RNF17: variants seen among roughly 807,000 people sequenced by gnomAD.
RNF17 encodes the protein ring finger protein 17, also known as spermatogenesis associated 23.
In RNF17, 31 loss-of-function variants were observed where a neutral mutation model predicts 200.5. That is an observed-to-expected ratio of 0.15 (90% CI 0.12 to 0.21). RNF17 has a LOEUF of 0.21. RNF17 is among the 10% of genes least tolerant of loss of function. The probability of loss-of-function intolerance (pLI) is 1.00; values close to 1 mark genes in which losing one functional copy is unlikely to be tolerated. For missense variants in RNF17, 1,628 were observed against 1,905.1 expected (o/e 0.85, Z 2.71); for synonymous variants, 606 against 637.8 (o/e 0.95, Z 0.75).
At chr13:24,845,105 CATT>C (rs780465129) in intron 22 of RNF17, 26 bp downstream of exon 22, 9 of 1,100,642 alleles carry the variant, frequency 8.2e-6, no homozygotes, top group Non-Finnish European at 9.5e-6. Context: ...GTAATTTTCT[CATT>C]ATTTTAAATA....
At chr13:24,812,154 CT>C (rs1886730537) in intron 15 of RNF17, among the ~76,000 whole-genome samples, 1 of 145,638 alleles carries the variant, frequency 6.9e-6, no homozygotes, top group African/African-American at 2.4e-5. Context: ...TCTCCTTGAG[CT>C]GTGGTGGGCT....
chr13:24,826,337 A>T (rs1054023098), intron 16 of RNF17, among the ~76,000 whole-genome samples: 2 of 152,320 alleles, frequency 1.3e-5, no homozygotes, highest in Admixed American at 1.3e-4. Flanking sequence ...AATAAAGTTT[A>T]TTATTCCCCA....
At chr13:24,881,466 T>G (rs1953811164), downstream of RNF17, among the ~76,000 whole-genome samples, 5 of 152,060 alleles carry the variant, frequency 3.3e-5, no homozygotes, top group South Asian at 1.0e-3. Context: ...TTAAGGTTTG[T>G]GTTTTTTGTC....
chr13:24,844,371 T>C (rs560185012), intron 20 of RNF17, among the ~76,000 whole-genome samples: 1 of 152,204 alleles, frequency 6.6e-6, no homozygotes, highest in Admixed American at 6.5e-5. Context: ...AAGGCACTTT[T>C]AGGATGGTCA....
intron 25 of RNF17, among the ~76,000 whole-genome samples, chr13:24,857,408 T>G (rs1892627716): frequency 6.6e-6 from 1 of 152,190 alleles, no homozygotes; most frequent in Admixed American, 6.5e-5. Flanking sequence ...TCTCCCAGCA[T>G]GGAAGAGAAG....
At chr13:24,804,712 GATAAA>G (rs1255223888) in intron 15 of RNF17, among the ~76,000 whole-genome samples, 27 of 152,116 alleles carry the variant, frequency 1.8e-4, no homozygotes, top group African/African-American at 5.8e-4. Flanking sequence ...GAAATATAAT[GATAAA>G]ATAAATTTTT....
Position 24,861,524 on chromosome 13 carries a change from AAGAC to A in RNF17, c.3894+140_3894+143del. Reference sequence around the variant, plus strand: ...ATAAAACACCAACAAATAAGTTACTAAGACAGCTAAACAGCCTTTATGAAGACAG... The same window carrying A: ...ATAAAACACCAACAAATAAGTTACTAAGCTAAACAGCCTTTATGAAGACAG... On this transcript the variant is annotated intron_variant, in intron 27 of 35. Coordinates refer to ENST00000255324, the MANE Select transcript of RNF17 (RefSeq NM_031277.3). 5.5e-6 allele frequency: 3 copies of A among 541,972 alleles called. No homozygotes were observed. In the South Asian group the frequency reaches 1.1e-4, roughly 19 times the overall value. The allele number at this position is 541,972 out of a possible 1,614,324, so 33.6% of individuals were successfully genotyped here.
chr13:24,813,620 C>T (rs750836493), intron 15 of RNF17, among the ~76,000 whole-genome samples: 12 of 151,752 alleles, frequency 7.9e-5, no homozygotes, highest in African/African-American at 2.4e-4. Context: ...CAAATATTTG[C>T]GTGTAACTAC....
At chr13:24,846,953 T>A (rs1322917868) in intron 22 of RNF17, among the ~76,000 whole-genome samples, 2 of 152,198 alleles carry the variant, frequency 1.3e-5, no homozygotes, top group African/African-American at 4.8e-5. Flanking sequence ...GAAATATGTT[T>A]ACCAATAAAG....
the RNF17 span, among the ~76,000 whole-genome samples, chr13:24,756,488 T>C: frequency 1.2e-4 from 19 of 152,044 alleles, no homozygotes; most frequent in South Asian, 4.1e-4. Flanking sequence ...ATCCCGAAAA[T>C]GTATAGCTTG....
chr13:24,793,257 C>T lies in RNF17; in HGVS notation c.1151C>T (p.Thr384Ile). 6.2e-7 allele frequency: 1 copy of T among 1,614,070 alleles called. No homozygotes were observed. Residue 384 changes from threonine to isoleucine, a missense_variant, in exon 10 of 36, where the codon ACA (threonine) becomes ATA (isoleucine). Thr to Ile is a moderately conservative substitution (Grantham distance 89). Transcript: ENST00000255324. ...TTCCAGCCACAGAAAGACGTTGCAA[C>T]AGCATCCCCTAAAACCATTGCTGTG... ...KNFQPQKDVA[T>I]ASPKTIAVLP... is the part of the protein sequence containing the mutation.
At chr13:24,810,096 G>C (rs1018911291) in intron 15 of RNF17, among the ~76,000 whole-genome samples, 5 of 150,404 alleles carry the variant, frequency 3.3e-5, no homozygotes, top group African/African-American at 1.2e-4. Flanking sequence ...GTGGTGTGGT[G>C]CTGAAAAAAA....
intron 15 of RNF17, among the ~76,000 whole-genome samples, chr13:24,805,175 C>G (rs1885696333): frequency 6.6e-6 from 1 of 152,068 alleles, no homozygotes; most frequent in Non-Finnish European, 1.5e-5. Flanking sequence ...GCGTTTATTT[C>G]TTTTGTTGAT....
At chr13:24,759,457 T>C (rs1878501923), upstream of RNF17, among the ~76,000 whole-genome samples, 1 of 152,226 alleles carries the variant, frequency 6.6e-6, no homozygotes, top group Non-Finnish European at 1.5e-5. Context: ...ACCCTCAAGG[T>C]ATTATGCCTC....
intron 4 of RNF17, 72 bp from the exon 5 acceptor site, chr13:24,779,595 A>G: frequency 2.5e-6 from 3 of 1,211,570 alleles, no homozygotes; most frequent in Non-Finnish European, 3.6e-6. Context: ...ATTTTTTGCA[A>G]CTATAATATA....
intron 15 of RNF17, among the ~76,000 whole-genome samples, chr13:24,804,880 G>T (rs1885663004): frequency 6.6e-6 from 1 of 152,050 alleles, no homozygotes; most frequent in Admixed American, 6.6e-5. Context: ...CATCCTTATT[G>T]ATTTCTGGGT....
intron 10 of RNF17, chr13:24,794,152 A>G (rs1478592375): frequency 2.2e-6 from 1 of 445,196 alleles, no homozygotes; most frequent in Non-Finnish European, 4.5e-6. Context: ...TATTTTGATG[A>G]AGCATGCGGC....
chr13:24,835,429 C>T (rs762615266), intron 18 of RNF17, among the ~76,000 whole-genome samples: 3 of 152,156 alleles, frequency 2.0e-5, no homozygotes, highest in Non-Finnish European at 4.4e-5. Flanking sequence ...TTCACCCCAT[C>T]GCCACCTCGA....
intron 22 of RNF17, among the ~76,000 whole-genome samples, chr13:24,846,844 A>C (rs773080239): frequency 6.6e-6 from 1 of 152,220 alleles, no homozygotes; most frequent in East Asian, 1.9e-4. Flanking sequence ...CTTGAAGCCA[A>C]TTGCATGTTA....
Sources: allele counts gnomAD v4.1 joint callset (sites outside exome capture counted in the v4.1 genomes callset), GRCh38; gene constraint gnomAD v4.1.1; transcripts MANE v1.5; gene names NCBI Gene and HGNC (gene_info 2026-07-23, HGNC 2026-07-21).